STK3: variants seen among roughly 807,000 people sequenced by gnomAD.
STK3 encodes serine/threonine kinase 3, also known as serine/threonine-protein kinase 3.
In STK3, 41 loss-of-function variants were observed where a neutral mutation model predicts 58.0. That is an observed-to-expected ratio of 0.71 (90% CI 0.55 to 0.92). The LOEUF (loss-of-function observed/expected upper bound fraction) is 0.92. Among genes scored for constraint, STK3 ranks in the 40% least tolerant of loss-of-function variants. The pLI is 0.00. For synonymous variants in STK3, 170 were observed against 191.0 expected, an observed-to-expected ratio of 0.89 and a Z score of 0.91; for missense variants, 479 against 602.7, an observed-to-expected ratio of 0.79 and a Z score of 2.15.
At chr8:98,344,238 G>A in the STK3 span, among the ~76,000 whole-genome samples, 196 of 152,282 alleles carry the variant, frequency 1.3e-3, no homozygotes, top group African/African-American at 4.3e-3. Flanking sequence ...TCCTTAGGAA[G>A]GTACTGTTTT....
intron 7 of STK3, among the ~76,000 whole-genome samples, chr8:98,580,751 T>C (rs984828321): frequency 3.3e-5 from 5 of 152,158 alleles, no homozygotes; most frequent in African/African-American, 1.2e-4. Flanking sequence ...GTGCTGGGAA[T>C]AGAGGCATGA....
intron 6 of STK3, among the ~76,000 whole-genome samples, chr8:98,625,979 A>G (rs1818683879): frequency 6.6e-6 from 1 of 152,184 alleles, no homozygotes; most frequent in African/African-American, 2.4e-5. Context: ...AGAACCATCT[A>G]CCACGTCATG....
chr8:98,920,531 G>A (rs1243575514), intron 1 of STK3, among the ~76,000 whole-genome samples: 1 of 152,246 alleles, frequency 6.6e-6, no homozygotes, highest in African/African-American at 2.4e-5. Context: ...TCATGGCCGG[G>A]AAGTTGGCCT....
intron 1 of STK3, among the ~76,000 whole-genome samples, chr8:98,786,854 C>T (rs1013701168): frequency 5.3e-5 from 8 of 152,030 alleles, no homozygotes; most frequent in African/African-American, 1.9e-4. Flanking sequence ...AAATGAACAT[C>T]ACCAAGGCAT....
intron 1 of STK3, among the ~76,000 whole-genome samples, chr8:98,385,590 G>A (rs1332032942): frequency 6.6e-6 from 1 of 152,076 alleles, no homozygotes; most frequent in East Asian, 1.9e-4. Context: ...GCCTGAATGG[G>A]CAAATGATGA....
At chr8:98,803,713 G>A (rs928464807) in intron 1 of STK3, among the ~76,000 whole-genome samples, 2 of 151,776 alleles carry the variant, frequency 1.3e-5, no homozygotes, top group Non-Finnish European at 2.9e-5. Context: ...CTATCTTTAG[G>A]AAACTAATAC....
chr8:98,740,112 G>C (rs200069561), intron 4 of STK3, among the ~76,000 whole-genome samples: 1 of 152,182 alleles, frequency 6.6e-6, no homozygotes, highest in Non-Finnish European at 1.5e-5. Context: ...CCAGATCTTC[G>C]TCTCACTGGT....
At chr8:98,447,025 G>A (rs1247679696) in intron 1 of STK3, among the ~76,000 whole-genome samples, 1 of 152,078 alleles carries the variant, frequency 6.6e-6, no homozygotes, top group Non-Finnish European at 1.5e-5. Context: ...CTTATAAGGG[G>A]GAGCTGAATG....
intron 10 of STK3, among the ~76,000 whole-genome samples, chr8:98,479,109 C>T (rs1586662694): frequency 1.3e-5 from 2 of 152,140 alleles, no homozygotes; most frequent in Admixed American, 6.5e-5. Context: ...AGCTCTCACT[C>T]CACCTGCATG....
At chr8:98,504,614 G>C (rs890357394) in intron 10 of STK3, among the ~76,000 whole-genome samples, 2 of 152,152 alleles carry the variant, frequency 1.3e-5, no homozygotes, top group African/African-American at 4.8e-5. Flanking sequence ...GCATTTGCTT[G>C]TTTGTAATGG....
intron 6 of STK3, chr8:98,598,670 G>A: frequency 1.0e-6 from 1 of 985,346 alleles, no homozygotes; most frequent in Middle Eastern, 5.2e-4. Context: ...GCTCACTTTA[G>A]ACTAACAATT....
At chr8:98,916,550 A>G (rs1306184414) in intron 1 of STK3, among the ~76,000 whole-genome samples, 1 of 152,226 alleles carries the variant, frequency 6.6e-6, no homozygotes, top group Non-Finnish European at 1.5e-5. Context: ...TTCACAACTG[A>G]GACTTAGTTT....
At chr8:98,563,143 A>G (rs140994819) in intron 8 of STK3, among the ~76,000 whole-genome samples, 322 of 152,264 alleles carry the variant, frequency 2.1e-3, no homozygotes, top group Non-Finnish European at 3.2e-3. Context: ...GACTAAAGAC[A>G]AAAGAAATGA....
intron 10 of STK3, among the ~76,000 whole-genome samples, chr8:98,499,167 C>G (rs963853274): frequency 6.6e-6 from 1 of 152,076 alleles, no homozygotes; most frequent in Non-Finnish European, 1.5e-5. Flanking sequence ...CCAAGGAATG[C>G]AAGGAATACA....
exon 2 of STK3, chr8:98,379,160 G>T (rs990405874): frequency 6.6e-6 from 1 of 152,132 alleles, no homozygotes; most frequent in Non-Finnish European, 1.5e-5. Flanking sequence ...TACCTAAGAG[G>T]TCTCCAGAAT....
intron 9 of STK3, among the ~76,000 whole-genome samples, chr8:98,546,285 A>G (rs1438708265): frequency 6.6e-6 from 1 of 152,058 alleles, no homozygotes; most frequent in Non-Finnish European, 1.5e-5. Flanking sequence ...TCTGTGGTAT[A>G]AAGTATGATG....
At chr8:98,655,355 C>A (rs1276854050) in intron 6 of STK3, among the ~76,000 whole-genome samples, 44 of 152,164 alleles carry the variant, frequency 2.9e-4, no homozygotes, top group African/African-American at 8.7e-4. Context: ...TAAAGACTTA[C>A]ATGTTAGACC....
At chr8:98,616,868 C>T (rs1817776253) in intron 6 of STK3, among the ~76,000 whole-genome samples, 1 of 149,124 alleles carries the variant, frequency 6.7e-6, no homozygotes, top group East Asian at 1.9e-4. Context: ...TAATGGGAGA[C>T]TTTAACACCC....
intron 1 of STK3, among the ~76,000 whole-genome samples, chr8:98,789,985 G>A (rs946170316): frequency 2.2e-5 from 3 of 139,510 alleles, no homozygotes; most frequent in African/African-American, 8.2e-5. Flanking sequence ...GCGAAATCGC[G>A]CCATTGCACT....
Sources: allele counts gnomAD v4.1 joint callset (sites outside exome capture counted in the v4.1 genomes callset), GRCh38; gene constraint gnomAD v4.1.1; transcripts MANE v1.5; gene names NCBI Gene and HGNC (gene_info 2026-07-23, HGNC 2026-07-21).